NEK1: variants seen among roughly 807,000 people sequenced by gnomAD.
NEK1 encodes serine/threonine-protein kinase Nek1.
Under a neutral mutation model 182.1 loss-of-function variants are expected in NEK1, and 137 were observed. That is an observed-to-expected ratio of 0.75 (90% CI 0.65 to 0.87). NEK1 has a LOEUF of 0.87. Among genes scored for constraint, NEK1 ranks in the 40% least tolerant of loss-of-function variants. The pLI, the probability that NEK1 is intolerant of heterozygous loss-of-function variation, is 0.00. For synonymous variants in NEK1, 513 were observed against 492.2 expected, an observed-to-expected ratio of 1.04 and a Z score of -0.56; for missense variants, 1,391 against 1,494.4, an observed-to-expected ratio of 0.93 and a Z score of 1.14.
At chr4:169,437,341 C>T (rs942638028) in intron 28 of NEK1, among the ~76,000 whole-genome samples, 15 of 152,108 alleles carry the variant, frequency 9.9e-5, no homozygotes, top group African/African-American at 2.4e-4. Flanking sequence ...GAGCTAATGT[C>T]ATAATGAGAT....
Position 169,400,540 on chromosome 4 carries a change from TC to T in NEK1, c.3694del (p.Glu1232ArgfsTer6), listed in dbSNP as rs1275341412. The T allele has an allele frequency of 6.2e-7, 1 of 1,604,272 alleles. No individual in the cohort carries two copies. Among genetic ancestry groups the T allele is most frequent in the Non-Finnish European group, 8.5e-7 (1 of 1,176,740 alleles). On this transcript the variant is annotated frameshift_variant, in exon 34 of 36. Coordinates refer to ENST00000507142, the MANE Select transcript of NEK1 (RefSeq NM_001199397.3). LOFTEE classifies it high-confidence loss of function. ...ACTTACCTTTATTTTCTCATAAACCTCAAAGAATTTTTCAAAGCCCATTTCC... is the reference window on the plus strand; with the variant it reads ...ACTTACCTTTATTTTCTCATAAACCTAAAGAATTTTTCAAAGCCCATTTCC... ...EQEMGFEKFF[E>X]VYEKIKAIHE...
intron 4 of NEK1, among the ~76,000 whole-genome samples, chr4:169,600,177 A>C (rs1415985708): frequency 6.6e-6 from 1 of 151,996 alleles, no homozygotes; most frequent in Non-Finnish European, 1.5e-5. Flanking sequence ...TCTTTCACTG[A>C]CTGTGCTATG....
At chr4:169,534,966 T>C (rs1758229681) in intron 19 of NEK1, among the ~76,000 whole-genome samples, 1 of 152,136 alleles carries the variant, frequency 6.6e-6, no homozygotes, top group Admixed American at 6.5e-5. Flanking sequence ...TTTAACAACA[T>C]GAAGAAAAGT....
intron 9 of NEK1, 96 bp downstream of exon 9, chr4:169,587,463 G>C: frequency 1.5e-6 from 1 of 685,486 alleles, no homozygotes; most frequent in South Asian, 2.3e-5. Flanking sequence ...TCTAGGATGA[G>C]GGTTACCTGA....
intron 18 of NEK1, among the ~76,000 whole-genome samples, chr4:169,542,904 T>C (rs975547760): frequency 1.3e-5 from 2 of 152,208 alleles, no homozygotes; most frequent in African/African-American, 4.8e-5. Context: ...GTCAGATGAA[T>C]AGATTGCAAA....
intron 2 of NEK1, among the ~76,000 whole-genome samples, chr4:169,605,148 A>T (rs569281576): frequency 6.6e-6 from 1 of 152,358 alleles, no homozygotes; most frequent in African/African-American, 2.4e-5. Flanking sequence ...ACTTTCTGCC[A>T]AGAGAGGGAA....
chr4:169,561,544 A>T lies in NEK1; in HGVS notation c.1202T>A (p.Ile401Lys), dbSNP rs1203335888. The T allele has an allele frequency of 6.2e-7, 1 of 1,613,136 alleles. No homozygotes were observed. Among genetic ancestry groups the T allele is most frequent in the African/African-American group, 1.3e-5 (1 of 74,892 alleles). Residue 401 changes from isoleucine (I) to lysine (K), a missense_variant, in exon 16 of 36, where the codon ATA (isoleucine) becomes AAA (lysine). Ile to Lys is a moderately radical substitution (Grantham distance 102). Around this residue, in one of 5 missense-constraint regions of NEK1, gnomAD observed 1,216 missense variants for 1,277.6 expected, o/e 0.95. Coordinates refer to ENST00000507142, the MANE Select transcript of NEK1 (RefSeq NM_001199397.3). ...KRQEKERLER[I>K]NRAREQGWRN... ...CCATCCTTGTTCCCTGGCCCTATTTATTCTTTCCAACTTTGGGGAAAAGAA... is the reference window on the plus strand; with the variant it reads ...CCATCCTTGTTCCCTGGCCCTATTTTTTCTTTCCAACTTTGGGGAAAAGAA...
intron 31 of NEK1, among the ~76,000 whole-genome samples, chr4:169,422,433 C>A (rs2111306888): frequency 6.6e-6 from 1 of 152,182 alleles, no homozygotes; most frequent in South Asian, 2.1e-4. Flanking sequence ...TTAATGGAGT[C>A]AGTTCCTTGA....
At chr4:169,493,080 T>C (rs1750422369) in intron 23 of NEK1, among the ~76,000 whole-genome samples, 2 of 152,134 alleles carry the variant, frequency 1.3e-5, no homozygotes, top group Admixed American at 1.3e-4. Context: ...CTGCTGTATC[T>C]TACTCTTCGG....
At chr4:169,579,766 C>G (rs1039225343) in intron 11 of NEK1, among the ~76,000 whole-genome samples, 1 of 147,802 alleles carries the variant, frequency 6.8e-6, no homozygotes, top group South Asian at 2.1e-4. Flanking sequence ...TCCAGCCCGG[C>G]GACAGAGCAA....
intron 6 of NEK1, among the ~76,000 whole-genome samples, chr4:169,590,461 G>C (rs1768272087): frequency 6.6e-6 from 1 of 152,114 alleles, no homozygotes; most frequent in Non-Finnish European, 1.5e-5. Flanking sequence ...AGAGGAATGG[G>C]AACTCACTGC....
chr4:169,479,304 C>T, intron 24 of NEK1, 99 bp downstream of exon 24: 1 of 1,250,062 alleles, frequency 8.0e-7, no homozygotes, highest in Non-Finnish European at 1.1e-6. Context: ...CTTAGAAAAA[C>T]CTGAAAGGGA....
At chr4:169,511,670 G>T (rs987070856) in intron 19 of NEK1, among the ~76,000 whole-genome samples, 1 of 151,100 alleles carries the variant, frequency 6.6e-6, no homozygotes, top group African/African-American at 2.4e-5. Flanking sequence ...TCTTTTATTT[G>T]TGCCGTGCAT....
chr4:169,521,698 T>C (rs186717384), intron 19 of NEK1, among the ~76,000 whole-genome samples: 1 of 152,362 alleles, frequency 6.6e-6, no homozygotes, highest in African/African-American at 2.4e-5. Flanking sequence ...TGGTCAGATA[T>C]AGAATTAAAG....
At chr4:169,457,922 TAA>T (rs1046074316) in intron 27 of NEK1, among the ~76,000 whole-genome samples, 2 of 151,800 alleles carry the variant, frequency 1.3e-5, no homozygotes, top group African/African-American at 4.8e-5. Flanking sequence ...TAAAGAACAA[TAA>T]AGAGATATCT....
chr4:169,544,552 C>T (rs1396980114), intron 18 of NEK1, among the ~76,000 whole-genome samples: 1 of 149,050 alleles, frequency 6.7e-6, no homozygotes, highest in Non-Finnish European at 1.5e-5. Flanking sequence ...GTACCAGCTC[C>T]TCTTTGTATC....
rs139138754 is a variant in NEK1, at chr4:169,427,623, T to G, written c.2886-1389A>C. Among the ~76,000 whole-genome samples, 442 of 152,022 alleles carry G rather than the reference T, an allele frequency of 2.9e-3. 4 individuals carry two copies. The highest frequency in any genetic ancestry group is 0.01 in the African/African-American group (430 of 41,446). On this transcript the variant is annotated intron_variant, in intron 29 of 35. Coordinates refer to ENST00000507142, the MANE Select transcript of NEK1 (RefSeq NM_001199397.3). ...AATTCTTATGACTTAGCCTCCCAAG[T>G]AGGTAGGGTGACAGGCACATGCCAC...
At chr4:169,508,701 C>T (rs1311363599) in intron 20 of NEK1, 68 bp downstream of exon 20, 7 of 1,190,188 alleles carry the variant, frequency 5.9e-6, no homozygotes. Context: ...TTAAACCATG[C>T]AAGAAAAGAA....
intron 2 of NEK1, among the ~76,000 whole-genome samples, chr4:169,603,020 T>A (rs1027836968): frequency 3.9e-5 from 6 of 152,184 alleles, no homozygotes; most frequent in Admixed American, 3.9e-4. Context: ...TAATACACTA[T>A]TTCTTGAAGT....
Sources: allele counts gnomAD v4.1 joint callset (sites outside exome capture counted in the v4.1 genomes callset), GRCh38; gene constraint gnomAD v4.1.1; regional missense constraint gnomAD v4.1.1; transcripts MANE v1.5; gene names NCBI Gene and HGNC (gene_info 2026-07-23, HGNC 2026-07-21).